GALNTL6: variants seen among roughly 807,000 people sequenced by gnomAD.
GALNTL6 encodes polypeptide N-acetylgalactosaminyltransferase like 6, also known as polypeptide N-acetylgalactosaminyltransferase-like 6.
Under a neutral mutation model 73.7 loss-of-function variants are expected in GALNTL6, and 46 were observed. The ratio of observed to expected loss-of-function variants is 0.62; its 90% CI spans 0.49 to 0.80. The LOEUF (loss-of-function observed/expected upper bound fraction) is 0.80, where lower values mean the gene tolerates loss of function less well. Ranked by LOEUF, GALNTL6 falls within the 30% of genes least tolerant of loss-of-function variation. The pLI is 0.00. For missense variants in GALNTL6, 604 were observed against 755.0 expected, an observed-to-expected ratio of 0.80 and a Z score of 2.34; for synonymous variants, 259 against 263.7, an observed-to-expected ratio of 0.98 and a Z score of 0.17.
chr4:172,430,292 A>G (rs1731395301), intron 5 of GALNTL6, among the ~76,000 whole-genome samples: 1 of 152,040 alleles, frequency 6.6e-6, no homozygotes, highest in East Asian at 1.9e-4. Flanking sequence ...GGAGGAAGAG[A>G]GATAGAGAGA....
chr4:172,179,874 T>C (rs544453922), intron 2 of GALNTL6, among the ~76,000 whole-genome samples: 3 of 152,358 alleles, frequency 2.0e-5, no homozygotes, highest in East Asian at 3.9e-4. Context: ...GTTCCAAGTC[T>C]TTGCTATTGT....
chr4:172,960,999 GGGTTGGGGGGTTCTTGCCC>G (rs1750022015), intron 10 of GALNTL6, among the ~76,000 whole-genome samples: 1 of 140,374 alleles, frequency 7.1e-6, no homozygotes, highest in Admixed American at 7.2e-5. Context: ...CGGGGAGAAG[GGGTTGGGGGGTTCTTGCCC>G]ACCAGAAAAG....
intron 3 of GALNTL6, among the ~76,000 whole-genome samples, chr4:172,258,552 G>C (rs1738158956): frequency 6.6e-6 from 1 of 151,060 alleles, no homozygotes; most frequent in Non-Finnish European, 1.5e-5. Context: ...ATATATATCA[G>C]GTCTCATATA....
At chr4:172,109,013 CAAAAAAAAAAAAAAAA>C (rs202017302) in intron 2 of GALNTL6, among the ~76,000 whole-genome samples, 23 of 108,302 alleles carry the variant, frequency 2.1e-4, no homozygotes, top group East Asian at 4.7e-4. Context: ...ACTCCATCTC[CAAAAAAAAAAAAAAAA>C]AAAAAAAAAA....
intron 2 of GALNTL6, among the ~76,000 whole-genome samples, chr4:172,025,878 A>G (rs1277025879): frequency 6.6e-6 from 1 of 151,996 alleles, no homozygotes; most frequent in Non-Finnish European, 1.5e-5. Context: ...GGAGAAAACC[A>G]GTAAAATAAA....
chr4:172,127,045 C>G (rs915765436), intron 2 of GALNTL6, among the ~76,000 whole-genome samples: 4 of 152,204 alleles, frequency 2.6e-5, no homozygotes, highest in African/African-American at 9.6e-5. Flanking sequence ...TGAAATGTGA[C>G]TGAAGTAATA....
chr4:172,337,272 C>T (rs546054318), intron 4 of GALNTL6, among the ~76,000 whole-genome samples: 4 of 152,004 alleles, frequency 2.6e-5, no homozygotes, highest in Admixed American at 6.6e-5. Flanking sequence ...TTCAAGGTTA[C>T]ACCATGTACA....
intron 2 of GALNTL6, among the ~76,000 whole-genome samples, chr4:171,924,878 C>T (rs539041759): frequency 6.6e-5 from 10 of 152,114 alleles, no homozygotes; most frequent in Admixed American, 1.3e-4. Flanking sequence ...TGGGAGGAGA[C>T]GATTACACAA....
At chr4:172,870,595 A>G (rs1744884364) in intron 7 of GALNTL6, among the ~76,000 whole-genome samples, 1 of 152,202 alleles carries the variant, frequency 6.6e-6, no homozygotes, top group African/African-American at 2.4e-5. Flanking sequence ...TAGGTTTGAC[A>G]TGAAATGAAA....
At chr4:172,863,948 A>C (rs1221054717) in intron 7 of GALNTL6, among the ~76,000 whole-genome samples, 1 of 152,146 alleles carries the variant, frequency 6.6e-6, no homozygotes, top group Non-Finnish European at 1.5e-5. Context: ...GGCCTTTCCC[A>C]TGCTGTTCTC....
intron 2 of GALNTL6, among the ~76,000 whole-genome samples, chr4:171,847,390 C>G (rs1030347914): frequency 6.6e-6 from 1 of 152,074 alleles, no homozygotes; most frequent in Non-Finnish European, 1.5e-5. Flanking sequence ...AGACTTGCCT[C>G]GATGTTGATG....
At chr4:172,760,578 C>T (rs1269025875) in intron 5 of GALNTL6, among the ~76,000 whole-genome samples, 1 of 152,146 alleles carries the variant, frequency 6.6e-6, no homozygotes, top group Non-Finnish European at 1.5e-5. Context: ...CATTGATGCC[C>T]TGCTTCTCTA....
At chr4:172,641,172 G>T (rs1739956469) in intron 5 of GALNTL6, among the ~76,000 whole-genome samples, 1 of 151,954 alleles carries the variant, frequency 6.6e-6, no homozygotes, top group Non-Finnish European at 1.5e-5. Flanking sequence ...ATCATCTTTT[G>T]CCTGGATTTC....
intron 3 of GALNTL6, among the ~76,000 whole-genome samples, chr4:172,301,212 C>T (rs1739905249): frequency 6.6e-6 from 1 of 152,218 alleles, no homozygotes; most frequent in African/African-American, 2.4e-5. Flanking sequence ...TGGTTTTCAG[C>T]TCCATCAGGT....
intron 5 of GALNTL6, among the ~76,000 whole-genome samples, chr4:172,606,266 C>T (rs185017019): frequency 6.6e-6 from 1 of 151,778 alleles, no homozygotes; most frequent in Non-Finnish European, 1.5e-5. Context: ...ACCGGCCTGA[C>T]CAACATGGAG....
chr4:172,347,292 T>C (rs1010996776), intron 4 of GALNTL6, among the ~76,000 whole-genome samples: 17 of 152,154 alleles, frequency 1.1e-4, no homozygotes, highest in Non-Finnish European at 2.2e-4. Flanking sequence ...GCCTGGCCCC[T>C]ATTGATGGGT....
chr4:172,919,924 G>T (rs896062108), intron 8 of GALNTL6, among the ~76,000 whole-genome samples: 1 of 152,142 alleles, frequency 6.6e-6, no homozygotes, highest in Non-Finnish European at 1.5e-5. Flanking sequence ...CCAAATCGCT[G>T]TTTTTAAGAC....
At chr4:171,908,390 G>A (rs1182707116) in intron 2 of GALNTL6, among the ~76,000 whole-genome samples, 2 of 151,978 alleles carry the variant, frequency 1.3e-5, no homozygotes, top group African/African-American at 2.4e-5. Flanking sequence ...AAAAACACAC[G>A]AAAAAATGCT....
At chr4:172,326,822 A>T (rs1740959557) in intron 4 of GALNTL6, among the ~76,000 whole-genome samples, 1 of 151,692 alleles carries the variant, frequency 6.6e-6, no homozygotes, top group Non-Finnish European at 1.5e-5. Context: ...TTGAGGAGTA[A>T]AGTTGATATA....
Sources: allele counts gnomAD v4.1 joint callset (sites outside exome capture counted in the v4.1 genomes callset), GRCh38; gene constraint gnomAD v4.1.1; transcripts MANE v1.5; gene names NCBI Gene and HGNC (gene_info 2026-07-23, HGNC 2026-07-21).